The following KDM6A variants were observed in gnomAD, a reference collection of about 807,000 sequenced individuals.
KDM6A encodes lysine-specific demethylase 6A.
In KDM6A, 11 loss-of-function variants were observed where a neutral mutation model predicts 117.6. That is an observed-to-expected ratio of 0.09 (90% CI 0.06 to 0.15). The LOEUF is 0.15. Ranked by LOEUF, KDM6A falls within the 10% of genes least tolerant of loss-of-function variation. The pLI is 1.00. For missense variants in KDM6A, 799 were observed against 1,077.3 expected, an observed-to-expected ratio of 0.74 and a Z score of 3.62; for synonymous variants, 384 against 396.1, an observed-to-expected ratio of 0.97 and a Z score of 0.36.
intron 4 of KDM6A, among the ~76,000 whole-genome samples, chrX:44,996,808 A>G (rs763629837): frequency 1.3e-4 from 15 of 111,951 alleles, no homozygotes; most frequent in African/African-American, 4.5e-4. Flanking sequence ...TTACTTTGCT[A>G]TAGGGATCAA....
At chrX:44,946,843 T>C (rs2037665020) in intron 2 of KDM6A, among the ~76,000 whole-genome samples, 2 of 111,742 alleles carry the variant, frequency 1.8e-5, no homozygotes, top group Non-Finnish European at 3.8e-5. Context: ...ACAAGTTCTG[T>C]TTCTGAGCTC....
At chrX:45,027,391 GTTA>G (rs2042422554) in intron 6 of KDM6A, among the ~76,000 whole-genome samples, 1 of 108,343 alleles carries the variant, frequency 9.2e-6, no homozygotes, top group Non-Finnish European at 1.9e-5. Flanking sequence ...TAAAGAAAAA[GTTA>G]TTATTTCTCC....
chrX:45,040,590 A>G (rs1173081411), intron 8 of KDM6A, among the ~76,000 whole-genome samples: 1 of 47,045 alleles, frequency 2.1e-5, no homozygotes, highest in Non-Finnish European at 3.8e-5. Flanking sequence ...GGCGCCCCTC[A>G]CCTCCCGGAC....
At chrX:44,903,454 T>A (rs1262809672) in intron 2 of KDM6A, among the ~76,000 whole-genome samples, 1 of 112,015 alleles carries the variant, frequency 8.9e-6, no homozygotes, top group Non-Finnish European at 1.9e-5. Flanking sequence ...TTGGAATTCA[T>A]TGAGCTTTTT....
chrX:44,907,362 C>T (rs1043156589), intron 2 of KDM6A, among the ~76,000 whole-genome samples: 1 of 109,591 alleles, frequency 9.1e-6, no homozygotes, highest in African/African-American at 3.3e-5. Flanking sequence ...ACTGCAACCT[C>T]TGCCTCCCGG....
chrX:45,104,828 G>A (rs774093425), intron 27 of KDM6A, among the ~76,000 whole-genome samples: 1 of 111,980 alleles, frequency 8.9e-6, no homozygotes, highest in South Asian at 3.7e-4. Flanking sequence ...TATAAATTCT[G>A]GAGCAGAATT....
At chrX:45,039,052 ATCAGAC>A (rs1461231330) in intron 8 of KDM6A, among the ~76,000 whole-genome samples, 104 of 111,692 alleles carry the variant, frequency 9.3e-4, no homozygotes, top group Admixed American at 1.9e-3. Flanking sequence ...ATAGGATGTA[ATCAGAC>A]AGTTTGAGAT....
rs1601999197 is a variant in KDM6A at position 44,874,136 on chromosome X, C to T, written c.225+149C>T. On this transcript the variant is annotated intron_variant, in intron 2 of 29. Transcript: ENST00000611820. ...ACTATTTCCTGCCTCTGCTCTCCCC[C>T]CACCCCCGGGTACCCTGCTTGCTCC... 7 of 526,999 alleles carry T rather than the reference C, an allele frequency of 1.3e-5. No homozygotes were observed. The East Asian group carries it at 1.5e-4, about 11-fold the overall frequency. The allele number at this position is 526,999 out of a possible 1,213,427, so 43.4% of individuals were successfully genotyped here. A position where few individuals can be genotyped will look rare whatever the true frequency, so the allele number is the denominator to read the frequency against.
chrX:44,972,389 C>A (rs751830283), intron 3 of KDM6A, among the ~76,000 whole-genome samples: 47 of 108,307 alleles, frequency 4.3e-4, no homozygotes, highest in Non-Finnish European at 7.8e-4. Flanking sequence ...GTTCTCTTGC[C>A]TTTCTTTCTT....
Position 45,015,913 on chromosome X carries a change from T to A in KDM6A, c.444-4697T>A, listed in dbSNP as rs898824981. Among the ~76,000 whole-genome samples the A allele has an allele frequency of 2.4e-4, 27 of 110,973 alleles. 1 individual carries two copies. The highest frequency in any genetic ancestry group is 8.9e-4 in the African/African-American group (27 of 30,487). On this transcript the variant is annotated intron_variant, in intron 5 of 29. Coordinates refer to ENST00000611820, the MANE Select transcript of KDM6A (RefSeq NM_001291415.2). Reference sequence around the variant, plus strand: ...CAATAGGGTAGGGGAAAGAAAATAATCCCACTCCTGAAGTGATGAAATGAA... The same window carrying A: ...CAATAGGGTAGGGGAAAGAAAATAAACCCACTCCTGAAGTGATGAAATGAA...
At chrX:45,033,010 A>G (rs1379385682) in intron 6 of KDM6A, among the ~76,000 whole-genome samples, 1 of 112,262 alleles carries the variant, frequency 8.9e-6, no homozygotes, top group African/African-American at 3.2e-5. Context: ...TTTCAGTGAA[A>G]TAGTAAAACT....
At chrX:44,901,468 G>A (rs2034343271) in intron 2 of KDM6A, among the ~76,000 whole-genome samples, 3 of 111,192 alleles carry the variant, frequency 2.7e-5, no homozygotes, top group Non-Finnish European at 5.7e-5. Flanking sequence ...TGTTGTTGCA[G>A]GGAGTATTCT....
intron 7 of KDM6A, among the ~76,000 whole-genome samples, chrX:45,035,659 T>C (rs1417600943): frequency 1.8e-5 from 2 of 110,133 alleles, no homozygotes; most frequent in Non-Finnish European, 3.8e-5. Flanking sequence ...GCTAAATTTC[T>C]TAAAAACCTT....
At chrX:45,082,514 A>G (rs2045457318) in intron 21 of KDM6A, 62 bp from the exon 22 acceptor site, 1 of 724,588 alleles carries the variant, frequency 1.4e-6, no homozygotes, top group Admixed American at 2.3e-5. Context: ...TTTCAGTTGT[A>G]TGGTGGAAAG....
chrX:44,974,823 A>C (rs2039540122), intron 4 of KDM6A, 108 bp downstream of exon 4: 8 of 589,584 alleles, frequency 1.4e-5, no homozygotes, highest in Non-Finnish European at 2.4e-5. Context: ...ATTACTTAAA[A>C]TATTGCTTCT....
At chrX:45,101,495 G>A (rs1467585899) in intron 27 of KDM6A, among the ~76,000 whole-genome samples, 2 of 110,338 alleles carry the variant, frequency 1.8e-5, no homozygotes, top group Non-Finnish European at 3.8e-5. Context: ...CTTTCCCAGG[G>A]GACATATGCC....
chrX:44,989,115 C>T (rs1253525105), intron 4 of KDM6A, among the ~76,000 whole-genome samples: 1 of 105,687 alleles, frequency 9.5e-6, no homozygotes, highest in Non-Finnish European at 1.9e-5. Flanking sequence ...GGGGGCGCCC[C>T]TCCCCAGCCT....
At chrX:45,090,193 T>A (rs2045832888) in intron 26 of KDM6A, among the ~76,000 whole-genome samples, 1 of 111,807 alleles carries the variant, frequency 8.9e-6, no homozygotes, top group African/African-American at 3.2e-5. Context: ...GGTTTTATTT[T>A]AAAAAAACCC....
chrX:44,962,622 G>A (rs1214021283), intron 3 of KDM6A, among the ~76,000 whole-genome samples: 2 of 112,107 alleles, frequency 1.8e-5, no homozygotes, highest in Non-Finnish European at 3.8e-5. Context: ...AGATATTGCA[G>A]GTTTGATTTC....
Sources: allele counts gnomAD v4.1 joint callset (sites outside exome capture counted in the v4.1 genomes callset), GRCh38; gene constraint gnomAD v4.1.1; transcripts MANE v1.5; gene names NCBI Gene and HGNC (gene_info 2026-07-23, HGNC 2026-07-21).